Variants in ANAPC5 observed in about 807,000 individuals in gnomAD.
ANAPC5 encodes anaphase-promoting complex subunit 5.
ANAPC5 carries 60 observed loss-of-function variants against 91.3 expected under a neutral mutation model. That is an observed-to-expected ratio of 0.66 (90% CI 0.53 to 0.81). The LOEUF is 0.81. ANAPC5 is among the 40% of genes least tolerant of loss of function. ANAPC5 has a pLI of 0.00. For synonymous variants in ANAPC5, 340 were observed against 364.1 expected, an observed-to-expected ratio of 0.93 and a Z score of 0.75; for missense variants, 690 against 931.5, an observed-to-expected ratio of 0.74 and a Z score of 3.37.
At chr12:121,323,119 T>C (rs914251722) in intron 11 of ANAPC5, among the ~76,000 whole-genome samples, 3 of 152,212 alleles carry the variant, frequency 2.0e-5, no homozygotes, top group Non-Finnish European at 2.9e-5. Flanking sequence ...TTACCCTATA[T>C]AAATGTACCA....
rs1248604810 is a variant in ANAPC5 at position 121,318,358 on chromosome 12, G to A, written c.1812C>T (p.Leu604=). ...CCTTGGAGAGGGCCAGAGCCTGCAGGAGCATGGGCAGCGCGATGGTAGGGG... is the reference window on the plus strand; with the variant it reads ...CCTTGGAGAGGGCCAGAGCCTGCAGAAGCATGGGCAGCGCGATGGTAGGGG... ...SSSPTIALPM[L]LQALALSKEY... The change falls in exon 15 of 17, where the codon CTC becomes CTT. Residue 604 remains leucine (L), a synonymous_variant. Coordinates refer to ENST00000261819, the MANE Select transcript of ANAPC5 (RefSeq NM_016237.5). 2.5e-6 allele frequency: 4 copies of A among 1,612,046 alleles called. No homozygotes were observed. Among genetic ancestry groups the A allele is most frequent in the African/African-American group, 1.3e-5 (1 of 74,986 alleles).
rs1204015151 is a variant in ANAPC5 at position 121,308,387 on chromosome 12, G to A, written c.*93C>T. ...AGAATGCTGTTTATTGACAAGATAG[G>A]GTGTCACAAATACATCATTTATAGG... On this transcript the variant is annotated 3_prime_UTR_variant, in exon 17 of 17. Transcript: ENST00000261819. 1.1e-6 allele frequency: 1 copy of A among 946,622 alleles called. No individual in the cohort carries two copies. The highest frequency in any genetic ancestry group is 2.1e-5 in the Admixed American group (1 of 47,944). The allele number at this position is 946,622 out of a possible 1,614,324, so 58.6% of individuals were successfully genotyped here.
chr12:121,311,992 T>C (rs1045208133), intron 15 of ANAPC5, among the ~76,000 whole-genome samples: 2 of 152,148 alleles, frequency 1.3e-5, no homozygotes, highest in Admixed American at 6.6e-5. Context: ...ATATAAAGCA[T>C]GCCACCCAAT....
At chr12:121,322,003 T>C (rs1013062896) in intron 11 of ANAPC5, among the ~76,000 whole-genome samples, 5 of 151,682 alleles carry the variant, frequency 3.3e-5, no homozygotes, top group African/African-American at 1.2e-4. Flanking sequence ...GTAGCTGGGA[T>C]TACAGGTGCA....
At chr12:121,347,964 A>G (rs939653697) in intron 1 of ANAPC5, 83 bp from the exon 2 acceptor site, 3 of 955,674 alleles carry the variant, frequency 3.1e-6, no homozygotes, top group East Asian at 2.4e-5. Context: ...TCATTTATCA[A>G]CCCCTCTGCT....
upstream of ANAPC5, among the ~76,000 whole-genome samples, chr12:121,352,718 T>TTGGTGG (rs377308371): frequency 3.9e-5 from 4 of 102,346 alleles, no homozygotes; most frequent in African/African-American, 8.5e-5. Context: ...GTTGTTGTTG[T>TTGGTGG]TGGTGGTGGT....
intron 1 of ANAPC5, among the ~76,000 whole-genome samples, chr12:121,350,200 T>C (rs2136824880): frequency 6.6e-6 from 1 of 152,270 alleles, no homozygotes; most frequent in Non-Finnish European, 1.5e-5. Context: ...ATACAAGTGA[T>C]AAATTTTTTA....
At chr12:121,340,733 G>GGT (rs1903423359) in intron 5 of ANAPC5, among the ~76,000 whole-genome samples, 1 of 150,252 alleles carries the variant, frequency 6.7e-6, no homozygotes, top group African/African-American at 2.4e-5. Flanking sequence ...TTGTGTGTGT[G>GGT]TTTTTTTTAG....
intron 16 of ANAPC5, 83 bp from the exon 17 acceptor site, chr12:121,308,774 G>A: frequency 9.2e-7 from 1 of 1,090,552 alleles, no homozygotes; most frequent in Non-Finnish European, 1.4e-6. Context: ...AGTTTTATTT[G>A]TTCAACAACT....
intron 5 of ANAPC5, among the ~76,000 whole-genome samples, chr12:121,339,219 T>A (rs1257302847): frequency 6.6e-6 from 1 of 151,894 alleles, no homozygotes; most frequent in Non-Finnish European, 1.5e-5. Context: ...CTGGCTAATT[T>A]TTTGTATTTT....
intron 1 of ANAPC5, chr12:121,351,316 T>G (rs1421440846): frequency 3.3e-6 from 1 of 303,238 alleles, no homozygotes; most frequent in African/African-American, 2.3e-5. Flanking sequence ...GAGGCTGCAG[T>G]GAGCCGCGAT....
intron 5 of ANAPC5, among the ~76,000 whole-genome samples, chr12:121,338,824 T>C (rs1903340528): frequency 1.3e-5 from 2 of 152,036 alleles, no homozygotes; most frequent in Admixed American, 1.3e-4. Context: ...TGTATACATA[T>C]TATATAAATT....
Position 121,308,442 on chromosome 12 carries a change from CTT to C in ANAPC5, c.*36_*37del. On this transcript the variant is annotated 3_prime_UTR_variant, in exon 17 of 17. Coordinates refer to ENST00000261819, the MANE Select transcript of ANAPC5 (RefSeq NM_016237.5). ...GAGGGGACATGAACAAGTCCAAAATCTTATACTCTGCACAGCAGCCCAGCAGG... is the reference window on the plus strand; with the variant it reads ...GAGGGGACATGAACAAGTCCAAAATCATACTCTGCACAGCAGCCCAGCAGG... 1 of 1,589,644 alleles carries C rather than the reference CTT, an allele frequency of 6.3e-7. No individual in the cohort carries two copies. The highest frequency in any genetic ancestry group is 1.1e-5 in the South Asian group (1 of 90,152).
At chr12:121,338,710 C>T (rs1282407057) in intron 5 of ANAPC5, among the ~76,000 whole-genome samples, 1 of 152,092 alleles carries the variant, frequency 6.6e-6, no homozygotes, top group Non-Finnish European at 1.5e-5. Context: ...AATCTCACTA[C>T]CCAGAAATAA....
intron 15 of ANAPC5, among the ~76,000 whole-genome samples, chr12:121,316,723 A>C (rs888872074): frequency 8.1e-6 from 1 of 123,600 alleles, no homozygotes; most frequent in Non-Finnish European, 1.6e-5. Context: ...ACAGAGCGAG[A>C]CTCTGTCTCA....
chr12:121,318,740 G>T (rs980806371), intron 13 of ANAPC5, 132 bp from the exon 14 acceptor site: 7 of 802,390 alleles, frequency 8.7e-6, no homozygotes, highest in Non-Finnish European at 1.4e-5. Context: ...GTTGAAAGAG[G>T]CTGAGCGCGG....
upstream of ANAPC5, among the ~76,000 whole-genome samples, chr12:121,353,804 GGCTGGACTGCAGTGGCAC>G (rs1903992544): frequency 1.3e-5 from 2 of 151,834 alleles, no homozygotes; most frequent in Admixed American, 6.6e-5. Flanking sequence ...CTGCTACCGA[GGCTGGACTGCAGTGGCAC>G]GCTCACGGCT....
intron 5 of ANAPC5, among the ~76,000 whole-genome samples, chr12:121,340,753 G>A (rs1384690502): frequency 6.6e-6 from 1 of 151,410 alleles, no homozygotes; most frequent in Admixed American, 6.6e-5. Context: ...GCAGAAACAG[G>A]GTTTCACCAT....
chr12:121,351,988 G>A (rs1196997986), intron 1 of ANAPC5, 146 bp downstream of exon 1: 2 of 755,870 alleles, frequency 2.6e-6, no homozygotes, highest in Non-Finnish European at 4.1e-6. Flanking sequence ...GTTAGCTACC[G>A]GTAGTAGCTA....
Sources: gnomAD v4.1 joint callset for allele counts (sites outside exome capture counted in the v4.1 genomes callset) on GRCh38, gnomAD v4.1.1 for gene constraint, MANE v1.5 for transcripts, NCBI Gene and HGNC (gene_info 2026-07-23, HGNC 2026-07-21) for gene names.